Variants in VAV2 observed in about 807,000 individuals in gnomAD.
VAV2 encodes the protein vav guanine nucleotide exchange factor 2.
Under a neutral mutation model 132.5 loss-of-function variants are expected in VAV2, and 67 were observed. The ratio of observed to expected loss-of-function variants is 0.51; its 90% CI spans 0.42 to 0.62. The LOEUF (loss-of-function observed/expected upper bound fraction) is 0.62. Among genes scored for constraint, VAV2 ranks in the 20% least tolerant of loss-of-function variants. VAV2 has a pLI of 0.00. For synonymous variants in VAV2, 492 were observed against 443.5 expected (o/e 1.11, Z -1.37); for missense variants, 938 against 1,153.6 (o/e 0.81, Z 2.71).
At position 133,879,320 on chromosome 9, in the gene VAV2, C is replaced by T. The variant is rs201146439; in HGVS notation, c.322-17888G>A. On this transcript the variant is annotated intron_variant, in intron 2 of 29. Coordinates refer to ENST00000371850, the MANE Select transcript of VAV2 (RefSeq NM_001134398.2). The surrounding 1 kb of genome is among the most constrained non-coding windows in gnomAD (Gnocchi z 4.4). ...CTCCAAGGAACCAGCAGGGTGTGAT[C>T]AATGCCGCAGGGTAAAGAACAGAGC... Among the ~76,000 whole-genome samples the T allele has an allele frequency of 0.088, 13,408 of 152,126 alleles. 753 individuals are homozygous for T. The highest frequency in any genetic ancestry group is 0.19 in the South Asian group (900 of 4,812).
chr9:133,766,427 G>A (rs1033692779), intron 29 of VAV2, among the ~76,000 whole-genome samples: 3 of 152,222 alleles, frequency 2.0e-5, no homozygotes, highest in South Asian at 2.1e-4. Flanking sequence ...TATACACCAC[G>A]GAATACTATG....
At chr9:133,778,320 G>A (rs141054086) in intron 22 of VAV2, among the ~76,000 whole-genome samples, 1 of 152,172 alleles carries the variant, frequency 6.6e-6, no homozygotes, top group Admixed American at 6.5e-5. Flanking sequence ...GAGCGAACCT[G>A]CCCGCTCACC....
intron 4 of VAV2, among the ~76,000 whole-genome samples, chr9:133,827,012 A>G (rs539188779): frequency 4.3e-4 from 65 of 152,252 alleles, no homozygotes; most frequent in African/African-American, 1.5e-3. Flanking sequence ...GGCCCCCCAC[A>G]GACTGCAGCG....
At chr9:133,938,550 C>G (rs1317342103) in intron 2 of VAV2, among the ~76,000 whole-genome samples, 1 of 152,116 alleles carries the variant, frequency 6.6e-6, no homozygotes, top group Non-Finnish European at 1.5e-5. Flanking sequence ...CCTGAGAACA[C>G]AGAGACACTT....
intron 2 of VAV2, among the ~76,000 whole-genome samples, chr9:133,931,728 G>C (rs1388499360): frequency 6.6e-6 from 1 of 152,180 alleles, no homozygotes; most frequent in African/African-American, 2.4e-5. Flanking sequence ...GGGGAAGCGG[G>C]ACCACTGTCC....
intron 3 of VAV2, among the ~76,000 whole-genome samples, chr9:133,853,252 C>G (rs1837256544): frequency 6.6e-6 from 1 of 152,216 alleles, no homozygotes; most frequent in African/African-American, 2.4e-5. Flanking sequence ...TGGCCTCCCT[C>G]TACCCCAGGG....
chr9:133,847,700 CCT>C (rs1299062590), intron 3 of VAV2, among the ~76,000 whole-genome samples: 4 of 152,186 alleles, frequency 2.6e-5, no homozygotes, highest in Non-Finnish European at 4.4e-5. Flanking sequence ...CTACAGGTGA[CCT>C]CTCTGAGCCT....
At chr9:133,796,584 C>A in intron 10 of VAV2, 60 bp from the exon 11 acceptor site, 1 of 1,484,980 alleles carries the variant, frequency 6.7e-7, no homozygotes, top group South Asian at 1.2e-5. Flanking sequence ...ACCCACCCAC[C>A]TGTACCCCCG....
At chr9:133,892,713 G>T (rs1318985647) in intron 2 of VAV2, among the ~76,000 whole-genome samples, 1 of 152,130 alleles carries the variant, frequency 6.6e-6, no homozygotes, top group African/African-American at 2.4e-5. Context: ...GGGCAGGGCA[G>T]GCTGAGCTGC....
chr9:133,984,098 A>G (rs1022782107), intron 1 of VAV2, among the ~76,000 whole-genome samples: 1 of 152,046 alleles, frequency 6.6e-6, no homozygotes, highest in African/African-American at 2.4e-5. Context: ...CAGCCTCCCA[A>G]GTAGCTGGAA....
chr9:133,925,302 C>T (rs917538656), intron 2 of VAV2, among the ~76,000 whole-genome samples: 18 of 152,162 alleles, frequency 1.2e-4, no homozygotes, highest in African/African-American at 2.9e-4. Context: ...CTGCAACCTC[C>T]GCCTCCCGGG....
In VAV2 at chr9:133,804,129, A is replaced by T. The variant is rs982944958; in HGVS notation, c.836+1952T>A. ...CCAGAGCTCAGGAGCCATACAGAGC[A>T]GGCACCCTATAAAAGCTTCAGGACT... On this transcript the variant is annotated intron_variant, in intron 9 of 29. Coordinates refer to ENST00000371850, the MANE Select transcript of VAV2 (RefSeq NM_001134398.2). This position sits in a 1 kb window ranked among gnomAD's most constrained non-coding sequence, Gnocchi z 4.5. Among the ~76,000 whole-genome samples the T allele has an allele frequency of 1.3e-5, 2 of 152,198 alleles. No individual in the cohort carries two copies. The highest frequency in any genetic ancestry group is 1.3e-4 in the Admixed American group (2 of 15,276).
rs192674242 is a variant in VAV2, at chr9:133,849,023, G to A, written c.380+12351C>T. On this transcript the variant is annotated intron_variant, in intron 3 of 29. Transcript: ENST00000371850. Reference sequence around the variant, plus strand: ...TCTTCTCAGTCTCTGAAAATGAGCCGATAATGTTACCCAGCTGCGCAGATA... The same window carrying A: ...TCTTCTCAGTCTCTGAAAATGAGCCAATAATGTTACCCAGCTGCGCAGATA... Among the ~76,000 whole-genome samples, 11 of 152,334 alleles carry A rather than the reference G, an allele frequency of 7.2e-5. No individual in the cohort carries two copies. In the East Asian group the frequency reaches 1.7e-3, roughly 24 times the overall value.
At chr9:133,911,587 A>G (rs1839886120) in intron 2 of VAV2, among the ~76,000 whole-genome samples, 1 of 152,138 alleles carries the variant, frequency 6.6e-6, no homozygotes, top group African/African-American at 2.4e-5. Flanking sequence ...TCTAGTGCCC[A>G]CTGGTGACCC....
Position 133,879,403 on chromosome 9 carries a change from G to C in VAV2, c.322-17971C>G, listed in dbSNP as rs1838396788. Among the ~76,000 whole-genome samples the C allele has an allele frequency of 6.6e-6, 1 of 152,142 alleles. No individual in the cohort carries two copies. ...TAATCAAGCAAAGCAAGGGGCAGGAGATGTCCAGGAATCAGAGAAGGCCCT... is the reference window on the plus strand; with the variant it reads ...TAATCAAGCAAAGCAAGGGGCAGGACATGTCCAGGAATCAGAGAAGGCCCT... On this transcript the variant is annotated intron_variant, in intron 2 of 29. Transcript: ENST00000371850. The surrounding 1 kb of genome is among the most constrained non-coding windows in gnomAD (Gnocchi z 4.4).
intron 2 of VAV2, among the ~76,000 whole-genome samples, chr9:133,897,548 G>T (rs990530002): frequency 1.3e-5 from 2 of 152,148 alleles, no homozygotes; most frequent in African/African-American, 4.8e-5. Context: ...CCAGCCCAGA[G>T]CTGAGCCCAG....
Position 133,781,453 on chromosome 9 carries a change from A to G in VAV2, c.1724-743T>C, listed in dbSNP as rs187323513. ...GCAGACAGAGGTATCCACAGACACC[A>G]CAGAACAGGTTCCAGCTCAGTGGGC... On this transcript the variant is annotated intron_variant, in intron 19 of 29. Coordinates refer to ENST00000371850, the MANE Select transcript of VAV2 (RefSeq NM_001134398.2). 6.5e-3 allele frequency among the ~76,000 whole-genome samples: 996 copies of G among 152,212 alleles called. 2 individuals are homozygous for G. Among genetic ancestry groups the G allele is most frequent in the Non-Finnish European group, 0.01 (713 of 68,032 alleles).
At position 133,991,333 on chromosome 9, in the gene VAV2, T is replaced by A. The variant is rs928977590; in HGVS notation, c.204+742A>T. 2.0e-5 allele frequency among the ~76,000 whole-genome samples: 3 copies of A among 152,132 alleles called. No individual in the cohort carries two copies. Among genetic ancestry groups the A allele is most frequent in the Non-Finnish European group, 4.4e-5 (3 of 68,022 alleles). ...AGCTTCGTTCGGCTGGGCAGGCATT[T>A]TCCTGCCTGGCCCTGCGGCCGCACG... On this transcript the variant is annotated intron_variant, in intron 1 of 29. Transcript: ENST00000371850. The surrounding 1 kb of genome is among the most constrained non-coding windows in gnomAD (Gnocchi z 4.8).
At chr9:133,967,655 G>A (rs1329982244) in intron 1 of VAV2, among the ~76,000 whole-genome samples, 1 of 152,116 alleles carries the variant, frequency 6.6e-6, no homozygotes, top group East Asian at 1.9e-4. Context: ...ATATGGGCCG[G>A]GTGCAGTGGC....
Sources: gnomAD v4.1 joint callset for allele counts (sites outside exome capture counted in the v4.1 genomes callset) on GRCh38, gnomAD v4.1.1 for gene constraint, Gnocchi (gnomAD v3.1) non-coding constraint, MANE v1.5 for transcripts, NCBI Gene and HGNC (gene_info 2026-07-23, HGNC 2026-07-21) for gene names.